ATP13A3: variants seen among roughly 807,000 people sequenced by gnomAD.
ATP13A3 encodes ATPase 13A3.
ATP13A3 carries 59 observed loss-of-function variants against 158.1 expected under a neutral mutation model. The ratio of observed to expected loss-of-function variants is 0.37; its 90% CI spans 0.30 to 0.46. The LOEUF is 0.46. Among genes scored for constraint, ATP13A3 ranks in the 20% least tolerant of loss-of-function variants. The pLI is 1.00. For synonymous variants in ATP13A3, 491 were observed against 504.3 expected, an observed-to-expected ratio of 0.97 and a Z score of 0.35; for missense variants, 1,166 against 1,525.2, an observed-to-expected ratio of 0.76 and a Z score of 3.92.
intron 2 of ATP13A3, among the ~76,000 whole-genome samples, chr3:194,477,900 C>CA (rs1720595179): frequency 1.3e-5 from 2 of 152,140 alleles, no homozygotes; most frequent in Admixed American, 6.5e-5. Flanking sequence ...GGGTTGAATA[C>CA]CTCTGTGTCT....
chr3:194,405,880 A>C lies in ATP13A3; in HGVS notation c.*39T>G, dbSNP rs1714892000. 1 of 1,599,820 alleles carries C rather than the reference A, an allele frequency of 6.3e-7. No individual in the cohort carries two copies. The highest frequency in any genetic ancestry group is 8.6e-7 in the Non-Finnish European group (1 of 1,167,184). On this transcript the variant is annotated 3_prime_UTR_variant, in exon 34 of 34. Coordinates refer to ENST00000645319, the MANE Select transcript of ATP13A3 (RefSeq NM_001367549.1). ...AAACTCCTAAAATCACATATTCCTG[A>C]ATACTGCTATCAGCAATACCACTGA... is the stretch of plus-strand genomic sequence containing the variant.
intron 2 of ATP13A3, among the ~76,000 whole-genome samples, chr3:194,474,515 AG>A (rs1374504978): frequency 2.0e-5 from 3 of 152,248 alleles, no homozygotes; most frequent in Non-Finnish European, 4.4e-5. Flanking sequence ...TTTCAATAAC[AG>A]CTTGTGTAAA....
chr3:194,427,172 C>T lies in ATP13A3; in HGVS notation c.3028G>A (p.Val1010Ile), dbSNP rs557846606. 14 of 1,613,414 alleles carry T rather than the reference C, an allele frequency of 8.7e-6. No individual in the cohort carries two copies. Among genetic ancestry groups the T allele is most frequent in the East Asian group, 6.7e-5 (3 of 44,864 alleles). ...GLISGALLFS[V>I]LSQIIICIGF... The stretch of plus-strand genomic sequence containing the variant: ...ATGCAGATGATAATCTGAGACAAAA[C>T]GGAGAAGAGAAGGGCCCCAGATATA... Residue 1010 changes from valine (V) to isoleucine (I), a missense_variant, in exon 29 of 34, where the codon GTT (valine) becomes ATT (isoleucine). Coordinates refer to ENST00000645319, the MANE Select transcript of ATP13A3 (RefSeq NM_001367549.1).
At chr3:194,458,891 C>T (rs945109486) in intron 6 of ATP13A3, 5 of 151,950 alleles carry the variant, frequency 3.3e-5, no homozygotes, top group Non-Finnish European at 7.4e-5. Context: ...TTCTTTTTAC[C>T]GCTAAAATTA....
At chr3:194,435,363 T>C (rs1473380313) in intron 20 of ATP13A3, among the ~76,000 whole-genome samples, 2 of 152,194 alleles carry the variant, frequency 1.3e-5, no homozygotes, top group Non-Finnish European at 2.9e-5. Flanking sequence ...GTATGAACGA[T>C]ACAGGTCAAG....
intron 2 of ATP13A3, among the ~76,000 whole-genome samples, chr3:194,474,936 T>C (rs1720461323): frequency 6.6e-6 from 1 of 152,188 alleles, no homozygotes; most frequent in South Asian, 2.1e-4. Context: ...CTATGTTGAG[T>C]TTAAATTACT....
chr3:194,482,966 G>T (rs1720811677), intron 2 of ATP13A3, among the ~76,000 whole-genome samples: 1 of 152,066 alleles, frequency 6.6e-6, no homozygotes, highest in Non-Finnish European at 1.5e-5. Flanking sequence ...AATTAGCCAG[G>T]CATGGTGGTG....
chr3:194,437,037 G>T, intron 20 of ATP13A3, 58 bp downstream of exon 20: 2 of 1,557,578 alleles, frequency 1.3e-6, no homozygotes, highest in South Asian at 2.3e-5. Flanking sequence ...TACTGTGCAT[G>T]ACTAATATAA....
intron 2 of ATP13A3, among the ~76,000 whole-genome samples, chr3:194,466,418 A>G (rs1415439934): frequency 6.6e-6 from 1 of 152,240 alleles, no homozygotes; most frequent in Non-Finnish European, 1.5e-5. Context: ...ATATACCACA[A>G]AAGATTCTGC....
chr3:194,441,965 T>C (rs1255417030), intron 15 of ATP13A3, among the ~76,000 whole-genome samples: 2 of 152,236 alleles, frequency 1.3e-5, no homozygotes, highest in Non-Finnish European at 2.9e-5. Flanking sequence ...CCAGGCATTA[T>C]TCTAAGAACT....
At chr3:194,431,459 C>T (rs772335612) in intron 22 of ATP13A3, among the ~76,000 whole-genome samples, 2 of 152,114 alleles carry the variant, frequency 1.3e-5, no homozygotes, top group Non-Finnish European at 2.9e-5. Context: ...CCACTAGTTA[C>T]CTGAAGAATA....
rs1364918606 is a variant in ATP13A3, at chr3:194,448,044, A to G, written c.1151-35T>C. 1 of 1,535,972 alleles carries G rather than the reference A, an allele frequency of 6.5e-7. No individual in the cohort carries two copies. Among genetic ancestry groups the G allele is most frequent in the South Asian group, 1.2e-5 (1 of 85,518 alleles). ...AAAGAAGACAATTATTGATATTTTT[A>G]TAAGAAAATGAGAATTATCTCCCAA... is the stretch of plus-strand genomic sequence containing the variant. On this transcript the variant is annotated intron_variant, in intron 12 of 33. Transcript: ENST00000645319. The surrounding 1 kb of genome is among the most constrained non-coding windows in gnomAD (Gnocchi z 4.0).
intron 2 of ATP13A3, among the ~76,000 whole-genome samples, chr3:194,478,426 C>T (rs925280001): frequency 6.6e-6 from 1 of 151,832 alleles, no homozygotes; most frequent in Non-Finnish European, 1.5e-5. Context: ...TAAACTTGAT[C>T]AAGCAAACAA....
chr3:194,437,625 C>A (rs767920156), intron 17 of ATP13A3, 52 bp from the exon 18 acceptor site: 170 of 1,503,312 alleles, frequency 1.1e-4, no homozygotes, highest in Non-Finnish European at 1.5e-4. Flanking sequence ...TCTATTAACA[C>A]ACTAAAGTTA....
At position 194,433,434 on chromosome 3, in the gene ATP13A3, G is replaced by A. The variant is rs978989706; in HGVS notation, c.2245+338C>T. Among the ~76,000 whole-genome samples, 11 of 151,860 alleles carry A rather than the reference G, an allele frequency of 7.2e-5. No homozygotes were observed. In the South Asian group the frequency reaches 1.5e-3, roughly 20 times the overall value. Reference sequence around the variant, plus strand: ...AATTTTTTGTATTTTTAGTAGAGACGGGGTTTCACCTTGTTAGCCAGGATG... The same window carrying A: ...AATTTTTTGTATTTTTAGTAGAGACAGGGTTTCACCTTGTTAGCCAGGATG... On this transcript the variant is annotated intron_variant, in intron 21 of 33. Coordinates refer to ENST00000645319, the MANE Select transcript of ATP13A3 (RefSeq NM_001367549.1).
chr3:194,407,696 G>A (rs967611741), intron 33 of ATP13A3, among the ~76,000 whole-genome samples: 1 of 152,248 alleles, frequency 6.6e-6, no homozygotes. Flanking sequence ...TGGCATTCTG[G>A]GGTGGGGACG....
At chr3:194,465,254 T>G (rs974060620) in intron 2 of ATP13A3, among the ~76,000 whole-genome samples, 2 of 152,190 alleles carry the variant, frequency 1.3e-5, no homozygotes, top group Admixed American at 1.3e-4. Context: ...AGCCCAGCAG[T>G]TTCCCTGAGT....
upstream of ATP13A3, chr3:194,487,524 C>A (rs528689074): frequency 6.6e-6 from 1 of 152,394 alleles, no homozygotes; most frequent in Non-Finnish European, 1.5e-5. Flanking sequence ...GACTCTGCGC[C>A]CCGGCCGCAG....
intron 2 of ATP13A3, among the ~76,000 whole-genome samples, chr3:194,469,759 T>C (rs1720214533): frequency 1.3e-5 from 2 of 152,164 alleles, no homozygotes; most frequent in Non-Finnish European, 2.9e-5. Context: ...TCTTGAAATA[T>C]AAACAGCACA....
Sources: gnomAD v4.1 joint callset for allele counts (sites outside exome capture counted in the v4.1 genomes callset) on GRCh38, gnomAD v4.1.1 for gene constraint, Gnocchi (gnomAD v3.1) non-coding constraint, MANE v1.5 for transcripts, NCBI Gene and HGNC (gene_info 2026-07-23, HGNC 2026-07-21) for gene names.